Variants in TNRC6B observed in about 807,000 individuals in gnomAD.
TNRC6B encodes trinucleotide repeat containing adaptor 6B.
Under a neutral mutation model 203.6 loss-of-function variants are expected in TNRC6B, and 52 were observed. The observed-to-expected ratio is 0.26, with a 90% CI of 0.20 to 0.32. The LOEUF (loss-of-function observed/expected upper bound fraction) is 0.32. TNRC6B is among the 10% of genes least tolerant of loss of function. The pLI, the probability that TNRC6B is intolerant of heterozygous loss-of-function variation, is 1.00. For synonymous variants in TNRC6B, 838 were observed against 845.7 expected (o/e 0.99, Z 0.16); for missense variants, 1,923 against 2,286.2 (o/e 0.84, Z 3.24).
chr22:40,210,528 C>T (rs1245972624), intron 1 of TNRC6B, among the ~76,000 whole-genome samples: 1 of 152,180 alleles, frequency 6.6e-6, no homozygotes, highest in Non-Finnish European at 1.5e-5. Flanking sequence ...ACTGTTAACA[C>T]TTTGGTAAAA....
chr22:40,232,556 CTTG>C (rs1274442733), intron 1 of TNRC6B, among the ~76,000 whole-genome samples: 1 of 152,176 alleles, frequency 6.6e-6, no homozygotes, highest in African/African-American at 2.4e-5. Flanking sequence ...CACATCTCTC[CTTG>C]TTCGAGTTTG....
intron 3 of TNRC6B, chr22:40,156,061 T>G (rs374950214): frequency 1.1e-5 from 17 of 1,514,602 alleles, no homozygotes; most frequent in South Asian, 2.4e-5. Context: ...GTTCTTGGAG[T>G]GAGTCGCATT....
intron 1 of TNRC6B, among the ~76,000 whole-genome samples, chr22:40,191,258 G>A (rs1277109716): frequency 6.6e-6 from 1 of 152,156 alleles, no homozygotes; most frequent in Non-Finnish European, 1.5e-5. Context: ...CATTGGTAAA[G>A]GGATAGTAAT....
At chr22:40,056,255 A>G (rs1284820000) in intron 1 of TNRC6B, among the ~76,000 whole-genome samples, 2 of 152,170 alleles carry the variant, frequency 1.3e-5, no homozygotes, top group East Asian at 1.9e-4. Context: ...TATTTTTCAA[A>G]TGGGAAGAAG....
intron 1 of TNRC6B, among the ~76,000 whole-genome samples, chr22:40,221,164 T>C (rs1210856733): frequency 6.6e-6 from 1 of 152,196 alleles, no homozygotes; most frequent in Non-Finnish European, 1.5e-5. Context: ...AGATTCCAGT[T>C]CTTTCACCAT....
In TNRC6B at chr22:40,266,486, AGTC is replaced by A. The variant is rs1392781734; in HGVS notation, c.2258_2260del (p.Val753del). The A allele has an allele frequency of 1.6e-5, 26 of 1,613,790 alleles. No individual in the cohort carries two copies. The highest frequency in any genetic ancestry group is 2.2e-5 in the Non-Finnish European group (26 of 1,179,764). ...CTGGAAAGAATGGTTGGGGGGAGGA[AGTC>A]GATCAGACAAAAAACAGCAATTGGG... On this transcript the variant is annotated inframe_deletion, in exon 5 of 23. Coordinates refer to ENST00000454349, the MANE Select transcript of TNRC6B (RefSeq NM_001162501.2).
At position 40,265,283 on chromosome 22, in the gene TNRC6B, A is replaced by T; in HGVS notation, c.1053A>T (p.Glu351Asp). The T allele has an allele frequency of 6.2e-7, 1 of 1,614,030 alleles. No homozygotes were observed. Among genetic ancestry groups the T allele is most frequent in the South Asian group, 1.1e-5 (1 of 91,080 alleles). ...CCAGGGAACAGCAGTCAAAGATGGA[A>T]AATGCGGGTGTTAATTTTGTTGTCT... ...QTSREQQSKM[E>D]NAGVNFVVSG... The change falls in exon 5 of 23, where the codon GAA becomes GAT. Residue 351 changes from glutamate (E) to aspartate (D), a missense_variant. Coordinates refer to ENST00000454349, the MANE Select transcript of TNRC6B (RefSeq NM_001162501.2).
At chr22:40,239,272 G>A (rs12485003) in intron 1 of TNRC6B, among the ~76,000 whole-genome samples, 12,840 of 152,214 alleles carry the variant, frequency 0.084, 863 homozygotes, top group Admixed American at 0.22. Context: ...GTCAGTTCCT[G>A]GACATCCTAG....
rs372678661 is a variant in TNRC6B at position 40,264,892 on chromosome 22, C to T, written c.662C>T (p.Ala221Val). The T allele has an allele frequency of 6.2e-7, 1 of 1,613,760 alleles. No individual in the cohort carries two copies. The highest frequency in any genetic ancestry group is 1.3e-5 in the African/African-American group (1 of 74,896). The change falls in exon 5 of 23, where the codon GCC becomes GTC. Residue 221 changes from alanine (A) to valine (V), a missense_variant. By Grantham distance (64) the Ala-to-Val change is moderately conservative. This residue lies in a region of TNRC6B where 614 missense variants were observed against 587.7 expected (regional missense o/e 1.04). Coordinates refer to ENST00000454349, the MANE Select transcript of TNRC6B (RefSeq NM_001162501.2). ...GAAAACACCACCGATAACAACAGTGCCTCGAACCCTGGCTCTGAGAAGAGC... is the reference window on the plus strand; with the variant it reads ...GAAAACACCACCGATAACAACAGTGTCTCGAACCCTGGCTCTGAGAAGAGC... ...SSENTTDNNS[A>V]SNPGSEKSTL...
intron 3 of TNRC6B, among the ~76,000 whole-genome samples, chr22:40,130,967 T>G (rs1026524138): frequency 2.7e-5 from 4 of 150,154 alleles, no homozygotes; most frequent in African/African-American, 9.8e-5. Flanking sequence ...AGTGGTGCGA[T>G]CTCGGGTCAC....
chr22:40,067,854 C>A (rs375436343), intron 1 of TNRC6B, among the ~76,000 whole-genome samples: 1 of 152,110 alleles, frequency 6.6e-6, no homozygotes, highest in Non-Finnish European at 1.5e-5. Flanking sequence ...TCTGGAAACA[C>A]CCTCCCAGGC....
At chr22:40,091,211 C>T (rs966930238) in intron 1 of TNRC6B, among the ~76,000 whole-genome samples, 1 of 151,994 alleles carries the variant, frequency 6.6e-6, no homozygotes, top group African/African-American at 2.4e-5. Flanking sequence ...TCTCGATCTC[C>T]TGACCTCGTG....
At chr22:40,166,216 T>C (rs1386342107) in intron 4 of TNRC6B, among the ~76,000 whole-genome samples, 1 of 152,118 alleles carries the variant, frequency 6.6e-6, no homozygotes, top group African/African-American at 2.4e-5. Context: ...TTTGTGGGAA[T>C]ACTCTTCAAG....
Position 40,308,608 on chromosome 22 carries a change from T to A in TNRC6B, c.4217T>A (p.Leu1406Gln), listed in dbSNP as rs2071127396. 1 of 1,613,874 alleles carries A rather than the reference T, an allele frequency of 6.2e-7. No individual in the cohort carries two copies. The highest frequency in any genetic ancestry group is 2.2e-5 in the East Asian group (1 of 44,904). ...CAGTGGACCTCCATGATGGAGGGGC[T>A]GCCCTCTGTAGCCACACAGGAAGCC... ...FKQWTSMMEG[L>Q]PSVATQEANM... Residue 1406 changes from leucine (L) to glutamine (Q), a missense_variant, in exon 16 of 23, where the codon CTG becomes CAG. By Grantham distance (113) the Leu-to-Gln change is moderately radical (BLOSUM62 -2). This residue lies in a region of TNRC6B where 242 missense variants were observed against 399.5 expected (regional missense o/e 0.61). Coordinates refer to ENST00000454349, the MANE Select transcript of TNRC6B (RefSeq NM_001162501.2).
chr22:40,162,791 A>G (rs183904417), intron 4 of TNRC6B, among the ~76,000 whole-genome samples: 3 of 152,344 alleles, frequency 2.0e-5, no homozygotes, highest in East Asian at 3.9e-4. Context: ...GCTTTTCTGT[A>G]TAATCTTGAA....
intron 1 of TNRC6B, among the ~76,000 whole-genome samples, chr22:40,210,031 A>AG (rs912178221): frequency 1.7e-4 from 26 of 150,814 alleles, no homozygotes; most frequent in Admixed American, 1.1e-3. Flanking sequence ...AAAAAAAAAA[A>AG]AGAGAGAATG....
intron 12 of TNRC6B, among the ~76,000 whole-genome samples, chr22:40,292,611 A>G (rs1324214432): frequency 6.6e-6 from 1 of 152,208 alleles, no homozygotes; most frequent in African/African-American, 2.4e-5. Flanking sequence ...TTTAAACCAG[A>G]ATAATTAACT....
intron 21 of TNRC6B, among the ~76,000 whole-genome samples, chr22:40,319,818 C>G (rs185940132): frequency 1.3e-5 from 2 of 152,146 alleles, no homozygotes; most frequent in Non-Finnish European, 2.9e-5. Flanking sequence ...ACTTAGAGTT[C>G]GGTACTATTG....
At chr22:40,222,487 T>C (rs2069723394) in intron 1 of TNRC6B, among the ~76,000 whole-genome samples, 1 of 152,174 alleles carries the variant, frequency 6.6e-6, no homozygotes, top group Non-Finnish European at 1.5e-5. Context: ...CTAGGGTCCC[T>C]GTGGCAAAGC....
Sources: gnomAD v4.1 joint callset for allele counts (sites outside exome capture counted in the v4.1 genomes callset) on GRCh38, gnomAD v4.1.1 for gene constraint, gnomAD v4.1.1 regional missense constraint, MANE v1.5 for transcripts, NCBI Gene and HGNC (gene_info 2026-07-23, HGNC 2026-07-21) for gene names.